The following CORO7 variants were observed in gnomAD, a reference collection of about 807,000 sequenced individuals.
CORO7 encodes the protein coronin-7.
In CORO7, 107 loss-of-function variants were observed where a neutral mutation model predicts 126.6. The observed-to-expected ratio is 0.85, with a 90% CI of 0.72 to 0.99. CORO7 has a LOEUF of 0.99. Ranked by LOEUF, CORO7 falls within the 50% of genes least tolerant of loss-of-function variation. CORO7 has a pLI of 0.00. For synonymous variants in CORO7, 603 were observed against 536.8 expected (o/e 1.12, Z -1.70); for missense variants, 1,314 against 1,255.8 (o/e 1.05, Z -0.70).
At chr16:4,414,131 C>T (rs556997520) in intron 1 of CORO7, among the ~76,000 whole-genome samples, 18 of 150,042 alleles carry the variant, frequency 1.2e-4, no homozygotes, top group African/African-American at 4.2e-4. Flanking sequence ...GCGGAAGTTG[C>T]AGTGAGCCGA....
At chr16:4,360,890 A>G (rs1596272997) in intron 19 of CORO7, 53 bp downstream of exon 19, 8 of 1,498,306 alleles carry the variant, frequency 5.3e-6, no homozygotes, top group Non-Finnish European at 5.4e-6. Flanking sequence ...ACCTCTCCAC[A>G]CTGCTGGCCC....
chr16:4,397,609 T>G (rs2055646631), intron 6 of CORO7, among the ~76,000 whole-genome samples: 2 of 151,900 alleles, frequency 1.3e-5, no homozygotes, highest in African/African-American at 4.8e-5. Context: ...ATTTCTCTCT[T>G]TTTGTATTTG....
In CORO7 at chr16:4,377,234, T is replaced by A. The variant is rs542152730; in HGVS notation, c.785+10752A>T. Reference sequence around the variant, plus strand: ...CTTCCCACCCCCCGACGTCCCCGAATCCCAGGAATCCCAGGGCTGCCTCCG... The same window carrying A: ...CTTCCCACCCCCCGACGTCCCCGAAACCCAGGAATCCCAGGGCTGCCTCCG... On this transcript the variant is annotated intron_variant, in intron 9 of 27. Coordinates refer to ENST00000251166, the MANE Select transcript of CORO7 (RefSeq NM_024535.5). Among the ~76,000 whole-genome samples the A allele has an allele frequency of 1.3e-3, 201 of 151,640 alleles. 1 individual carries two copies. Among genetic ancestry groups the A allele is most frequent in the African/African-American group, 4.6e-3 (192 of 41,318 alleles).
At chr16:4,395,367 T>G in intron 6 of CORO7, 28 bp from the exon 7 acceptor site, 1 of 1,613,768 alleles carries the variant, frequency 6.2e-7, no homozygotes, top group Non-Finnish European at 8.5e-7. Flanking sequence ...AGGAAACAAC[T>G]TGCGATTAGG....
At chr16:4,364,082 A>C (rs772448234) in intron 14 of CORO7, among the ~76,000 whole-genome samples, 194 bp downstream of exon 14, 9 of 152,090 alleles carry the variant, frequency 5.9e-5, no homozygotes, top group Non-Finnish European at 4.4e-5. Context: ...GCTACTCGGG[A>C]GGCTGAGGCA....
rs1278568195 is a variant in CORO7 at position 4,365,021 on chromosome 16, G to A, written c.880C>T (p.Gln294Ter). ...QLYCYEVVPQ[Q>*]PALSPVTQCV... The stretch of plus-strand genomic sequence containing the variant: ...GGCTTACCTGGGCTCAGCGCCGGCT[G>A]CTGCGGGACCACCTCGTAACAGTAC... The change falls in exon 11 of 28, where the codon CAG becomes TAG. Residue 294 changes from glutamine to a stop codon, truncating the protein, a stop_gained. Transcript: ENST00000251166. LOFTEE classifies it high-confidence loss of function. 1.2e-5 allele frequency: 20 copies of A among 1,606,244 alleles called. No individual in the cohort carries two copies. Among genetic ancestry groups the A allele is most frequent in the Non-Finnish European group, 1.7e-5 (20 of 1,176,898 alleles).
chr16:4,416,235 G>C lies in CORO7; in HGVS notation c.60+224C>G, dbSNP rs143066883. On this transcript the variant is annotated intron_variant, in intron 1 of 27. Coordinates refer to ENST00000251166, the MANE Select transcript of CORO7 (RefSeq NM_024535.5). ...GTGGGCGAGGCGGGCAGACCGCCAG[G>C]GTCACCGAGCGCCAGAGCGAGTCAC... is the stretch of plus-strand genomic sequence containing the variant. Among the ~76,000 whole-genome samples, 49 of 152,256 alleles carry C rather than the reference G, an allele frequency of 3.2e-4. No homozygotes were observed. The East Asian group carries it at 6.6e-3, about 20-fold the overall frequency.
chr16:4,409,526 A>G (rs984838489), intron 3 of CORO7, among the ~76,000 whole-genome samples: 2 of 152,216 alleles, frequency 1.3e-5, no homozygotes, highest in Admixed American at 6.5e-5. Context: ...CTGAATCCTC[A>G]TAAGGATGCA....
At chr16:4,387,360 C>T (rs1257052581) in intron 9 of CORO7, among the ~76,000 whole-genome samples, 2 of 152,214 alleles carry the variant, frequency 1.3e-5, no homozygotes, top group Non-Finnish European at 2.9e-5. Context: ...AAGCCCTCTC[C>T]ACACACTTCT....
chr16:4,377,407 C>T (rs1159639673), intron 9 of CORO7, among the ~76,000 whole-genome samples: 2 of 152,168 alleles, frequency 1.3e-5, no homozygotes, highest in Non-Finnish European at 2.9e-5. Flanking sequence ...GCCCCCAGCC[C>T]CACGCACACA....
chr16:4,365,386 G>C, intron 10 of CORO7, 105 bp downstream of exon 10: 1 of 1,488,408 alleles, frequency 6.7e-7, no homozygotes, highest in Non-Finnish European at 9.1e-7. Flanking sequence ...GGCTGCACAG[G>C]GGAAGACACA....
intron 14 of CORO7, chr16:4,363,210 T>A (rs2054239538): frequency 6.6e-6 from 1 of 152,416 alleles, no homozygotes; most frequent in Non-Finnish European, 1.5e-5. Flanking sequence ...GGAGGGCAGA[T>A]CACGAGGTCA....
rs764503710 is a variant in CORO7 at position 4,381,082 on chromosome 16, G to A, written c.785+6904C>T. On this transcript the variant is annotated intron_variant, in intron 9 of 27. Coordinates refer to ENST00000251166, the MANE Select transcript of CORO7 (RefSeq NM_024535.5). ...TGAGAACGGCATCACCATGCTCGAC[G>A]CAGGCAGCTTTGCCGGCCTGCCGGG... 1.6e-5 allele frequency: 25 copies of A among 1,609,310 alleles called. No individual in the cohort carries two copies. The East Asian group carries it at 1.6e-4, about 10-fold the overall frequency.
intron 2 of CORO7, chr16:4,412,881 C>A: frequency 4.5e-6 from 1 of 220,446 alleles, no homozygotes. Context: ...AAACATTATC[C>A]ATTTTTTGCT....
At chr16:4,381,435 C>T (rs749177408) in intron 9 of CORO7, 222 of 1,579,540 alleles carry the variant, frequency 1.4e-4, no homozygotes, top group East Asian at 8.9e-4. Context: ...CCCTGGAGCC[C>T]GGCATCCTGG....
rs74005307 is a variant in CORO7, at chr16:4,413,283, A to C, written c.157+25T>G. Reference sequence around the variant, plus strand: ...ACGATGACCGAATATGTGAGCAAATATCCACACTCATGGCCATTCCCTACC... The same window carrying C: ...ACGATGACCGAATATGTGAGCAAATCTCCACACTCATGGCCATTCCCTACC... On this transcript the variant is annotated intron_variant, in intron 2 of 27. Coordinates refer to ENST00000251166, the MANE Select transcript of CORO7 (RefSeq NM_024535.5). 761 of 1,555,608 alleles carry C rather than the reference A, an allele frequency of 4.9e-4. 3 individuals carry two copies. In the African/African-American group the frequency reaches 8.8e-3, roughly 18 times the overall value.
chr16:4,400,051 G>T (rs1223867691), intron 6 of CORO7, among the ~76,000 whole-genome samples: 1 of 152,180 alleles, frequency 6.6e-6, no homozygotes, highest in Non-Finnish European at 1.5e-5. Flanking sequence ...TGATCTGGGA[G>T]GAGGGCGGAA....
chr16:4,396,165 T>C lies in CORO7; in HGVS notation c.565-826A>G, dbSNP rs566986185. Among the ~76,000 whole-genome samples, 5 of 152,242 alleles carry C rather than the reference T, an allele frequency of 3.3e-5. No homozygotes were observed. In the East Asian group the frequency reaches 7.7e-4, roughly 24 times the overall value. On this transcript the variant is annotated intron_variant, in intron 6 of 27. Transcript: ENST00000251166. ...TGCAATCTTGGCTCACTGCAACCTCTGCCTCCCTGGTTCAAGCGATTCTCC... is the reference window on the plus strand; with the variant it reads ...TGCAATCTTGGCTCACTGCAACCTCCGCCTCCCTGGTTCAAGCGATTCTCC...
At chr16:4,360,612 G>A in intron 19 of CORO7, 64 bp from the exon 20 acceptor site, 29 of 1,528,824 alleles carry the variant, frequency 1.9e-5, no homozygotes, top group Non-Finnish European at 2.4e-5. Context: ...TCTCCCCACT[G>A]CTCCTGCCCC....
Sources: gnomAD v4.1 joint callset for allele counts (sites outside exome capture counted in the v4.1 genomes callset) on GRCh38, gnomAD v4.1.1 for gene constraint, MANE v1.5 for transcripts, NCBI Gene and HGNC (gene_info 2026-07-23, HGNC 2026-07-21) for gene names.